The following ATPAF2 variants were observed in gnomAD, a reference collection of about 807,000 sequenced individuals.
The protein encoded by ATPAF2 is ATP synthase mitochondrial F1 complex assembly factor 2.
In ATPAF2, 30 loss-of-function variants were observed where a neutral mutation model predicts 36.6. That is an observed-to-expected ratio of 0.82 (90% CI 0.61 to 1.11). The LOEUF (loss-of-function observed/expected upper bound fraction) is 1.11. ATPAF2 is among the 50% of genes most tolerant of loss of function. The probability of loss-of-function intolerance (pLI) is 0.00; values close to 1 mark genes in which losing one functional copy is unlikely to be tolerated. For synonymous variants in ATPAF2, 140 were observed against 152.6 expected (o/e 0.92, Z 0.61); for missense variants, 321 against 372.3 (o/e 0.86, Z 1.13).
intron 2 of ATPAF2, 78 bp from the exon 3 acceptor site, chr17:18,028,455 A>C (rs1177279273): frequency 6.3e-7 from 1 of 1,586,100 alleles, no homozygotes. Context: ...AGCCACTTGA[A>C]TTGGTGCAGA....
chr17:18,038,203 G>C lies in ATPAF2; in HGVS notation c.133+678C>G, dbSNP rs560385715. On this transcript the variant is annotated intron_variant, in intron 1 of 7. Coordinates refer to ENST00000474627, the MANE Select transcript of ATPAF2 (RefSeq NM_145691.4). Reference sequence around the variant, plus strand: ...ATAAAACTAATTGAATGGTGGGAGGGTGTTACTGCTCTTCATTCACTGAAA... The same window carrying C: ...ATAAAACTAATTGAATGGTGGGAGGCTGTTACTGCTCTTCATTCACTGAAA... 2.0e-5 allele frequency among the ~76,000 whole-genome samples: 3 copies of C among 152,274 alleles called. No homozygotes were observed. The South Asian group carries it at 6.2e-4, about 32-fold the overall frequency.
chr17:18,021,018 A>T, intron 7 of ATPAF2, 105 bp downstream of exon 7: 1 of 1,488,046 alleles, frequency 6.7e-7, no homozygotes, highest in South Asian at 1.3e-5. Context: ...CATAAAAGTA[A>T]TAAAAGCCAA....
intron 4 of ATPAF2, chr17:18,026,057 G>C: frequency 1.8e-6 from 1 of 561,820 alleles, no homozygotes. Context: ...CACGGCACCT[G>C]CAAGAGCTGC....
intron 5 of ATPAF2, among the ~76,000 whole-genome samples, chr17:18,022,899 G>A (rs2044490778): frequency 6.6e-6 from 1 of 152,050 alleles, no homozygotes; most frequent in Non-Finnish European, 1.5e-5. Context: ...GCCGAGGCGG[G>A]CGGATCACGA....
rs138932269 is a variant in ATPAF2, at chr17:18,019,147, C to CCACACACACACACACACACACA, written c.733-483_733-462dup. Among the ~76,000 whole-genome samples the CCACACACACACACACACACACA allele has an allele frequency of 3.9e-3, 531 of 135,624 alleles. 5 individuals carry two copies. The highest frequency in any genetic ancestry group is 0.018 in the East Asian group (79 of 4,386). 89.0% of individuals were successfully genotyped at this position (135,624 alleles called of 152,430 possible). On this transcript the variant is annotated intron_variant, in intron 7 of 7. Transcript: ENST00000474627. ...AGAGCAAGACCCTGTCTCAAAAACA[C>CCACACACACACACACACACACA]CACACACACACACACACACACACAC...
chr17:18,022,512 G>C (rs959978208), intron 5 of ATPAF2, among the ~76,000 whole-genome samples: 2 of 151,736 alleles, frequency 1.3e-5, no homozygotes, highest in African/African-American at 4.8e-5. Flanking sequence ...CTGGACTCAC[G>C]CGATCTGCCA....
At chr17:18,028,054 T>C (rs1407581040) in intron 3 of ATPAF2, 178 bp downstream of exon 3, 2 of 736,992 alleles carry the variant, frequency 2.7e-6, no homozygotes, top group East Asian at 5.4e-5. Context: ...GAGCTGCAAG[T>C]AGCCGGGCCA....
chr17:18,036,393 G>A (rs1356037532), intron 1 of ATPAF2, among the ~76,000 whole-genome samples: 1 of 152,062 alleles, frequency 6.6e-6, no homozygotes, highest in Non-Finnish European at 1.5e-5. Flanking sequence ...GACTAACATG[G>A]TGAAACTCCG....
intron 1 of ATPAF2, among the ~76,000 whole-genome samples, chr17:18,031,435 C>T (rs539505099): frequency 5.1e-4 from 77 of 152,218 alleles, no homozygotes; most frequent in Non-Finnish European, 9.0e-4. Flanking sequence ...TGTGTGTCTA[C>T]CATGTGTCTT....
rs561865870 is a variant in ATPAF2 at position 18,028,316 on chromosome 17, G to A, written c.240C>T (p.Thr80=). 43 of 1,614,152 alleles carry A rather than the reference G, an allele frequency of 2.7e-5. No individual in the cohort carries two copies. The highest frequency in any genetic ancestry group is 2.4e-4 in the South Asian group (22 of 91,088). ...CAATGGCCAGGGCCTCGCTGGGGACGGTAAAGAGCTTGGCTTGGGGAGTTT... is the reference window on the plus strand; with the variant it reads ...CAATGGCCAGGGCCTCGCTGGGGACAGTAAAGAGCTTGGCTTGGGGAGTTT... ...KLKTPQAKLF[T]VPSEALAIAV... is the part of the protein sequence containing the mutation. Residue 80 remains threonine (T), a synonymous_variant, in exon 3 of 8, where the codon ACC becomes ACT. Coordinates refer to ENST00000474627, the MANE Select transcript of ATPAF2 (RefSeq NM_145691.4).
rs777598440 is a variant in ATPAF2, at chr17:18,035,236, C to CA, written c.133+3644dup. Among the ~76,000 whole-genome samples the CA allele has an allele frequency of 7.8e-3, 1,151 of 147,514 alleles. 11 individuals carry two copies. The highest frequency in any genetic ancestry group is 0.013 in the Non-Finnish European group (842 of 66,670). On this transcript the variant is annotated intron_variant, in intron 1 of 7. Transcript: ENST00000474627. ...AGAATGAGACCCAATCTCTTAAAAA[C>CA]AAAAAAAAACAAAAAAAACCCAAAC...
intron 1 of ATPAF2, among the ~76,000 whole-genome samples, chr17:18,036,917 C>T (rs1011243362): frequency 6.6e-6 from 1 of 151,436 alleles, no homozygotes; most frequent in African/African-American, 2.4e-5. Context: ...ACTAAAAATA[C>T]AAAATTAGCC....
Position 18,039,088 on chromosome 17 carries a change from CCG to C in ATPAF2, c.-77_-76del. On this transcript the variant is annotated 5_prime_UTR_variant, in exon 1 of 8. Coordinates refer to ENST00000474627, the MANE Select transcript of ATPAF2 (RefSeq NM_145691.4). The surrounding 1 kb of genome is among the most constrained non-coding windows in gnomAD (Gnocchi z 5.3). ...ACACAGAGCGATGGGATCCCCAAAGCCGCACGGTCGGGCTGTACGGAAACCTC... is the reference window on the plus strand; with the variant it reads ...ACACAGAGCGATGGGATCCCCAAAGCCACGGTCGGGCTGTACGGAAACCTC... 1.3e-6 allele frequency: 2 copies of C among 1,543,610 alleles called. No individual in the cohort carries two copies. The highest frequency in any genetic ancestry group is 1.7e-6 in the Non-Finnish European group (2 of 1,144,114).
chr17:18,028,621 C>T lies in ATPAF2; in HGVS notation c.172G>A (p.Gly58Ser). 1 of 1,611,312 alleles carries T rather than the reference C, an allele frequency of 6.2e-7. No individual in the cohort carries two copies. Residue 58 changes from glycine to serine, a missense_variant, in exon 2 of 8, where the codon GGT (glycine) becomes AGT (serine). Gly to Ser is a moderately conservative substitution (Grantham distance 56). This residue lies in a region of ATPAF2 where 53 missense variants were observed against 91.6 expected (regional missense o/e 0.58). Coordinates refer to ENST00000474627, the MANE Select transcript of ATPAF2 (RefSeq NM_145691.4). ...CAAAATTTCAGACACTCACCTTCAC[C>T]CTGTGTGATGCTGACATTCTGATAA... ...RFYQNVSITQ[G>S]EGGFEINLDH... is the part of the protein sequence containing the mutation.
Position 18,028,299 on chromosome 17 carries a change from A to T in ATPAF2, c.257T>A (p.Leu86Gln). The change falls in exon 3 of 8, where the codon CTG becomes CAG. Residue 86 changes from leucine to glutamine, a missense_variant. This residue lies in a region of ATPAF2 where 53 missense variants were observed against 91.6 expected (regional missense o/e 0.58). Transcript: ENST00000474627. ...AKLFTVPSEA[L>Q]AIAVATEWDS... ...CCACTCAGTAGCCACTGCAATGGCCAGGGCCTCGCTGGGGACGGTAAAGAG... is the reference window on the plus strand; with the variant it reads ...CCACTCAGTAGCCACTGCAATGGCCTGGGCCTCGCTGGGGACGGTAAAGAG... 1 of 1,614,214 alleles carries T rather than the reference A, an allele frequency of 6.2e-7. No homozygotes were observed. Among genetic ancestry groups the T allele is most frequent in the Non-Finnish European group, 8.5e-7 (1 of 1,180,034 alleles).
At chr17:18,022,984 G>A (rs531958544) in intron 5 of ATPAF2, among the ~76,000 whole-genome samples, 59 of 151,900 alleles carry the variant, frequency 3.9e-4, no homozygotes, top group Non-Finnish European at 5.9e-4. Context: ...AAAATTAGCC[G>A]GGTGTAGATG....
At chr17:18,036,380 C>T (rs2044703126) in intron 1 of ATPAF2, among the ~76,000 whole-genome samples, 1 of 152,008 alleles carries the variant, frequency 6.6e-6, no homozygotes, top group Non-Finnish European at 1.5e-5. Flanking sequence ...TCGAGACCAT[C>T]CAGACTAACA....
chr17:18,022,704 C>T (rs78758528), intron 5 of ATPAF2, among the ~76,000 whole-genome samples: 2,831 of 150,620 alleles, frequency 0.019, 48 homozygotes, highest in Non-Finnish European at 0.029. Context: ...CTGACCTCTG[C>T]GCCTGGCTGA....
At chr17:18,027,154 G>GAGGT (rs1373430734) in intron 3 of ATPAF2, among the ~76,000 whole-genome samples, 2 of 151,848 alleles carry the variant, frequency 1.3e-5, no homozygotes, top group African/African-American at 4.8e-5. Context: ...CCAGGAGGCA[G>GAGGT]AGGTTGCAGT....
Sources: allele counts gnomAD v4.1 joint callset (sites outside exome capture counted in the v4.1 genomes callset), GRCh38; gene constraint gnomAD v4.1.1; regional missense constraint gnomAD v4.1.1; non-coding constraint Gnocchi (gnomAD v3.1); transcripts MANE v1.5; gene names NCBI Gene and HGNC (gene_info 2026-07-23, HGNC 2026-07-21).